The following PPP3CC variants were observed in gnomAD, a reference collection of about 807,000 sequenced individuals.
PPP3CC encodes the protein serine/threonine-protein phosphatase 2B catalytic subunit gamma isoform.
Under a neutral mutation model 60.3 loss-of-function variants are expected in PPP3CC, and 35 were observed. That is an observed-to-expected ratio of 0.58 (90% confidence interval 0.44 to 0.77). PPP3CC has a LOEUF of 0.77. Among genes scored for constraint, PPP3CC ranks in the 30% least tolerant of loss-of-function variants. PPP3CC has a pLI of 0.00. For synonymous variants in PPP3CC, 206 were observed against 224.3 expected (o/e 0.92, Z 0.73); for missense variants, 570 against 628.9 (o/e 0.91, Z 1.00).
intron 3 of PPP3CC, among the ~76,000 whole-genome samples, chr8:22,493,494 A>G (rs1838468811): frequency 6.6e-6 from 1 of 152,184 alleles, no homozygotes; most frequent in Admixed American, 6.5e-5. Flanking sequence ...GCTGTACAAA[A>G]ATATTTTTTC....
chr8:22,510,070 G>C (rs1839040054), intron 4 of PPP3CC, among the ~76,000 whole-genome samples: 2 of 151,598 alleles, frequency 1.3e-5, no homozygotes. Flanking sequence ...TGTAGTCCCA[G>C]CTACTTGGGA....
intron 4 of PPP3CC, among the ~76,000 whole-genome samples, chr8:22,504,310 A>T (rs1415172518): frequency 6.6e-6 from 1 of 152,076 alleles, no homozygotes; most frequent in Non-Finnish European, 1.5e-5. Flanking sequence ...AACAAAATTT[A>T]TTTTTTTAAG....
chr8:22,535,118 C>G (rs1264170074), intron 12 of PPP3CC, among the ~76,000 whole-genome samples: 1 of 152,114 alleles, frequency 6.6e-6, no homozygotes, highest in Non-Finnish European at 1.5e-5. Flanking sequence ...TATTTTGTAC[C>G]TTAAAGAAAA....
intron 1 of PPP3CC, among the ~76,000 whole-genome samples, chr8:22,442,677 T>C (rs866319594): frequency 1.3e-5 from 2 of 152,210 alleles, no homozygotes; most frequent in Non-Finnish European, 2.9e-5. Context: ...AGCTAAATTA[T>C]TGTGACCATT....
At chr8:22,503,714 C>T (rs906576510) in intron 4 of PPP3CC, among the ~76,000 whole-genome samples, 52 of 152,156 alleles carry the variant, frequency 3.4e-4, no homozygotes, top group Non-Finnish European at 1.9e-4. Context: ...GAATTTCTTA[C>T]CTTAGGTTTT....
At chr8:22,512,803 G>A (rs755047085) in intron 5 of PPP3CC, among the ~76,000 whole-genome samples, 6 of 152,136 alleles carry the variant, frequency 3.9e-5, no homozygotes, top group African/African-American at 1.2e-4. Flanking sequence ...CAGACCGGGC[G>A]CGGTGGTTCA....
At chr8:22,483,453 AT>A (rs1188371112) in intron 3 of PPP3CC, among the ~76,000 whole-genome samples, 4 of 151,986 alleles carry the variant, frequency 2.6e-5, no homozygotes, top group Admixed American at 1.3e-4. Context: ...CGCCCGGCTA[AT>A]TTTTTGTATT....
At chr8:22,496,881 T>G (rs919270865) in intron 3 of PPP3CC, among the ~76,000 whole-genome samples, 1 of 152,196 alleles carries the variant, frequency 6.6e-6, no homozygotes, top group Non-Finnish European at 1.5e-5. Context: ...TTTTATGTCT[T>G]ATAGGGACAT....
At chr8:22,510,610 C>G (rs1327249901) in intron 4 of PPP3CC, among the ~76,000 whole-genome samples, 1 of 152,196 alleles carries the variant, frequency 6.6e-6, no homozygotes, top group Non-Finnish European at 1.5e-5. Context: ...CGCAGTCCAG[C>G]AGCTTTCCAT....
intron 4 of PPP3CC, 43 bp from the exon 5 acceptor site, chr8:22,511,043 T>TA: frequency 6.3e-7 from 1 of 1,595,396 alleles, no homozygotes; most frequent in Non-Finnish European, 8.6e-7. Context: ...TCAAATGTGA[T>TA]ACGTTTTAGT....
intron 5 of PPP3CC, 89 bp downstream of exon 5, chr8:22,511,320 C>G (rs1839080626): frequency 2.2e-6 from 3 of 1,375,234 alleles, no homozygotes; most frequent in Non-Finnish European, 3.0e-6. Context: ...GACAGAGTCT[C>G]TCTCTTTCAC....
In PPP3CC at chr8:22,448,990, G is replaced by T. The variant is rs111994493; in HGVS notation, c.49+7532G>T. On this transcript the variant is annotated intron_variant, in intron 1 of 13. Transcript: ENST00000240139. ...CCAGGCATGGTGGCTCTCGCCTATAGTCCCAGCTGCTTGGGAGGCTGAAGC... is the reference window on the plus strand; with the variant it reads ...CCAGGCATGGTGGCTCTCGCCTATATTCCCAGCTGCTTGGGAGGCTGAAGC... 4.6e-5 allele frequency among the ~76,000 whole-genome samples: 7 copies of T among 152,288 alleles called. 3 individuals are homozygous for T. The highest frequency in any genetic ancestry group is 1.7e-4 in the African/African-American group (7 of 41,564).
rs397823337 is a variant in PPP3CC, at chr8:22,452,019, GT to G, written c.49+10575del. ...GGGCTCTTTGCTTCTGTGCATAATG[GT>G]TTTTTTTTTTTTTAACAGTTTTAGA... On this transcript the variant is annotated intron_variant, in intron 1 of 13. Coordinates refer to ENST00000240139, the MANE Select transcript of PPP3CC (RefSeq NM_005605.5). Among the ~76,000 whole-genome samples, 426 of 143,514 alleles carry G rather than the reference GT, an allele frequency of 3.0e-3. 1 individual carries two copies. Among genetic ancestry groups the G allele is most frequent in the African/African-American group, 9.0e-3 (351 of 39,062 alleles). The allele number at this position is 143,514 out of a possible 152,430, so 94.2% of individuals were successfully genotyped here.
rs1336677386 is a variant in PPP3CC, at chr8:22,510,832, G to C, written c.485-254G>C. The C allele has an allele frequency of 1.7e-5, 7 of 407,424 alleles. No individual in the cohort carries two copies. In the East Asian group the frequency reaches 2.5e-4, roughly 15 times the overall value. The allele number at this position is 407,424 out of a possible 1,614,324, so 25.2% of individuals were successfully genotyped here. A position where few individuals can be genotyped will look rare whatever the true frequency, so the allele number is the denominator to read the frequency against. On this transcript the variant is annotated intron_variant, in intron 4 of 13. Coordinates refer to ENST00000240139, the MANE Select transcript of PPP3CC (RefSeq NM_005605.5). ...AGCCATGTTGCCTAATAACACAGTG[G>C]ACAGTCACCTTATCACATTTCCAAG...
At chr8:22,462,701 G>C (rs1837397936) in intron 1 of PPP3CC, among the ~76,000 whole-genome samples, 1 of 151,956 alleles carries the variant, frequency 6.6e-6, no homozygotes, top group South Asian at 2.1e-4. Context: ...CTCCTGAGTA[G>C]CTGGGACTAC....
At chr8:22,501,722 C>T (rs1838767955) in intron 4 of PPP3CC, among the ~76,000 whole-genome samples, 1 of 152,146 alleles carries the variant, frequency 6.6e-6, no homozygotes, top group South Asian at 2.1e-4. Context: ...TTAAAAGGCT[C>T]ACCTTAGGTC....
intron 1 of PPP3CC, among the ~76,000 whole-genome samples, chr8:22,446,805 CAAAAAAAAAAAA>C (rs34407184): frequency 2.3e-4 from 5 of 21,984 alleles, no homozygotes; most frequent in South Asian, 1.7e-3. Context: ...GACTCTGTCT[CAAAAAAAAAAAA>C]AAAAAAAAAA....
At chr8:22,500,882 G>A (rs1290491675) in intron 4 of PPP3CC, among the ~76,000 whole-genome samples, 1 of 152,170 alleles carries the variant, frequency 6.6e-6, no homozygotes, top group Non-Finnish European at 1.5e-5. Context: ...AGTTGAGCAT[G>A]GTGGCTCATG....
intron 1 of PPP3CC, among the ~76,000 whole-genome samples, chr8:22,465,043 G>A (rs567610220): frequency 6.8e-6 from 1 of 147,468 alleles, no homozygotes; most frequent in African/African-American, 2.5e-5. Flanking sequence ...CTGCAGCCTC[G>A]ACTTCCTGGG....
Sources: gnomAD v4.1 joint callset for allele counts (sites outside exome capture counted in the v4.1 genomes callset) on GRCh38, gnomAD v4.1.1 for gene constraint, MANE v1.5 for transcripts, NCBI Gene and HGNC (gene_info 2026-07-23, HGNC 2026-07-21) for gene names.